The following GALNT16 variants were observed in gnomAD, a reference collection of about 807,000 sequenced individuals.
GALNT16 encodes the protein polypeptide N-acetylgalactosaminyltransferase 16.
In GALNT16, 40 loss-of-function variants were observed where a neutral mutation model predicts 76.1. The observed-to-expected ratio is 0.53, with a 90% confidence interval of 0.41 to 0.68. The LOEUF is 0.68. Ranked by LOEUF, GALNT16 falls within the 30% of genes least tolerant of loss-of-function variation. GALNT16 has a pLI of 0.00. For synonymous variants in GALNT16, 276 were observed against 285.2 expected, an observed-to-expected ratio of 0.97 and a Z score of 0.32; for missense variants, 621 against 731.9, an observed-to-expected ratio of 0.85 and a Z score of 1.75.
At chr14:69,260,136 A>AGACC, upstream of GALNT16, 1 of 113,994 alleles carries the variant, frequency 8.8e-6, no homozygotes, top group Non-Finnish European at 1.8e-5. Flanking sequence ...TCTCCCTATC[A>AGACC]CCCCCCCGCC....
At chr14:69,310,892 G>A (rs1047020583) in intron 1 of GALNT16, among the ~76,000 whole-genome samples, 3 of 152,126 alleles carry the variant, frequency 2.0e-5, no homozygotes, top group Non-Finnish European at 4.4e-5. Flanking sequence ...TCCAGCCGGG[G>A]TGACAGAATG....
intron 1 of GALNT16, among the ~76,000 whole-genome samples, chr14:69,297,326 TG>T (rs2044782185): frequency 6.6e-6 from 1 of 152,384 alleles, no homozygotes; most frequent in Middle Eastern, 3.4e-3. Flanking sequence ...ACCTTTTAAC[TG>T]TTACATAATA....
Position 69,280,092 on chromosome 14 carries a change from C to T in GALNT16, c.177+19625C>T, listed in dbSNP as rs554023126. On this transcript the variant is annotated intron_variant, in intron 1 of 14. Transcript: ENST00000448469. Reference sequence around the variant, plus strand: ...CATTTTTAAATGTACAATTCAATGGCATTAAAGACATTCACATTGTTGTGT... The same window carrying T: ...CATTTTTAAATGTACAATTCAATGGTATTAAAGACATTCACATTGTTGTGT... Among the ~76,000 whole-genome samples the T allele has an allele frequency of 5.1e-4, 77 of 152,306 alleles. No individual in the cohort carries two copies. The South Asian group carries it at 5.6e-3, about 11-fold the overall frequency.
rs1386910235 is a variant in GALNT16, at chr14:69,325,245, G to C, written c.435-92G>C. 9.9e-6 allele frequency: 8 copies of C among 806,890 alleles called. No homozygotes were observed. The East Asian group carries it at 1.9e-4, about 20-fold the overall frequency. The allele number at this position is 806,890 out of a possible 1,614,324, so 50.0% of individuals were successfully genotyped here. A position where few individuals can be genotyped will look rare whatever the true frequency, so the allele number is the denominator to read the frequency against. On this transcript the variant is annotated intron_variant, in intron 3 of 14. Transcript: ENST00000448469. Reference sequence around the variant, plus strand: ...GCCCAGCATGCTGGCCCTGGAGCTGGGCGGCTGGGGAGTCCCACGGCCCCG... The same window carrying C: ...GCCCAGCATGCTGGCCCTGGAGCTGCGCGGCTGGGGAGTCCCACGGCCCCG...
At chr14:69,361,696 GA>G (rs1461259741), downstream of GALNT16, among the ~76,000 whole-genome samples, 1 of 152,158 alleles carries the variant, frequency 6.6e-6, no homozygotes, top group African/African-American at 2.4e-5. Context: ...GAAACAGGAT[GA>G]GAGGCTAAAG....
chr14:69,357,673 A>C, downstream of GALNT16: 1 of 152,170 alleles, frequency 6.6e-6, no homozygotes, highest in East Asian at 1.9e-4. Flanking sequence ...GTTGCTTCTG[A>C]TCCCCTCAAG....
intron 1 of GALNT16, among the ~76,000 whole-genome samples, chr14:69,299,981 G>T (rs1346496184): frequency 1.3e-5 from 2 of 152,238 alleles, no homozygotes; most frequent in Non-Finnish European, 2.9e-5. Context: ...GAAGCAGGAT[G>T]AAAGGATGAA....
At chr14:69,317,030 A>T (rs931443480) in intron 1 of GALNT16, among the ~76,000 whole-genome samples, 2 of 152,164 alleles carry the variant, frequency 1.3e-5, no homozygotes, top group African/African-American at 4.8e-5. Flanking sequence ...GTGTCATGTG[A>T]CATGTGCCCC....
chr14:69,289,977 A>G (rs1466412951), intron 1 of GALNT16, among the ~76,000 whole-genome samples: 2 of 151,966 alleles, frequency 1.3e-5, no homozygotes, highest in African/African-American at 4.8e-5. Flanking sequence ...GAGCTCAGGC[A>G]ATCCGCTCGC....
downstream of GALNT16, chr14:69,359,170 G>A (rs1294473682): frequency 6.6e-6 from 1 of 152,078 alleles, no homozygotes; most frequent in Non-Finnish European, 1.5e-5. Context: ...TCTTTTTTCT[G>A]TTAGATTGTA....
At chr14:69,346,972 G>T (rs1214929922) in intron 12 of GALNT16, 68 bp from the exon 13 acceptor site, 1 of 1,594,856 alleles carries the variant, frequency 6.3e-7, no homozygotes, top group South Asian at 1.1e-5. Context: ...GGATGCTGAC[G>T]TCTGGCAGAG....
At chr14:69,320,101 G>A (rs897076531) in intron 1 of GALNT16, among the ~76,000 whole-genome samples, 21 of 152,182 alleles carry the variant, frequency 1.4e-4, no homozygotes, top group Admixed American at 6.5e-4. Context: ...CCAATATCCC[G>A]CAAAGAACAT....
chr14:69,295,688 C>G (rs913578488), intron 1 of GALNT16, among the ~76,000 whole-genome samples: 2 of 152,122 alleles, frequency 1.3e-5, no homozygotes, highest in African/African-American at 2.4e-5. Context: ...CTACTGTACT[C>G]CAGCCTGGGC....
At chr14:69,359,161 C>CT (rs2045709540), downstream of GALNT16, 2 of 152,224 alleles carry the variant, frequency 1.3e-5, no homozygotes, top group African/African-American at 2.4e-5. Context: ...GTCTTGTCCT[C>CT]TTTTTTCTGT....
At chr14:69,330,714 A>G (rs536926665) in intron 6 of GALNT16, among the ~76,000 whole-genome samples, 1 of 152,322 alleles carries the variant, frequency 6.6e-6, no homozygotes, top group East Asian at 1.9e-4. Context: ...AGGAGAAGAA[A>G]GAAGAGGCTC....
intron 12 of GALNT16, among the ~76,000 whole-genome samples, chr14:69,343,911 CTGTT>C (rs1357795880): frequency 6.6e-6 from 1 of 152,226 alleles, no homozygotes; most frequent in Non-Finnish European, 1.5e-5. Context: ...AAGTCCTCTT[CTGTT>C]TGTTCTGCCA....
At chr14:69,324,475 G>T (rs898708349) in intron 2 of GALNT16, among the ~76,000 whole-genome samples, 1 of 152,148 alleles carries the variant, frequency 6.6e-6, no homozygotes, top group Non-Finnish European at 1.5e-5. Context: ...CCAACCTGCT[G>T]CTTCCCTCCC....
At position 69,326,020 on chromosome 14, in the gene GALNT16, G is replaced by T; in HGVS notation, c.561G>T (p.Arg187=). Residue 187 remains arginine, a synonymous_variant, in exon 5 of 15, where the codon CGG becomes CGT. Transcript: ENST00000448469. ...IPKVKCLRND[R]REGLIRSRVR... is the part of the protein sequence containing the mutation. ...AGGTCAAGTGCCTGCGCAATGATCG[G>T]CGGGAAGGTGAGTCCTTGCACCCTG... The T allele has an allele frequency of 6.2e-7, 1 of 1,613,512 alleles. No homozygotes were observed. The highest frequency in any genetic ancestry group is 8.5e-7 in the Non-Finnish European group (1 of 1,179,504).
At chr14:69,382,637 T>A in the GALNT16 span, among the ~76,000 whole-genome samples, 2 of 149,640 alleles carry the variant, frequency 1.3e-5, no homozygotes, top group African/African-American at 2.5e-5. Flanking sequence ...ATCAAGACCA[T>A]CCTGACCAAC....
Sources: allele counts gnomAD v4.1 joint callset (sites outside exome capture counted in the v4.1 genomes callset), GRCh38; gene constraint gnomAD v4.1.1; transcripts MANE v1.5; gene names NCBI Gene and HGNC (gene_info 2026-07-23, HGNC 2026-07-21).